Variants in APOOL observed in about 807,000 individuals in gnomAD.
APOOL encodes the protein apolipoprotein O like.
In APOOL, 12 loss-of-function variants were observed where a neutral mutation model predicts 23.1. The observed-to-expected ratio is 0.52, with a 90% CI of 0.33 to 0.84. The LOEUF (loss-of-function observed/expected upper bound fraction) is 0.84, where lower values mean the gene tolerates loss of function less well. Among genes scored for constraint, APOOL ranks in the 40% least tolerant of loss-of-function variants. The pLI is 0.02. For missense variants in APOOL, 212 were observed against 199.6 expected (o/e 1.06, Z -0.37); for synonymous variants, 77 against 69.9 (o/e 1.10, Z -0.51).
intron 8 of APOOL, chrX:85,081,515 C>G (rs1924099156): frequency 8.7e-6 from 1 of 115,573 alleles, no homozygotes; most frequent in African/African-American, 3.3e-5. Flanking sequence ...TCTGGCTGCC[C>G]TTAACATTTT....
chrX:85,049,703 C>T (rs1473372857), intron 2 of APOOL, among the ~76,000 whole-genome samples: 1 of 110,783 alleles, frequency 9.0e-6, no homozygotes, highest in Non-Finnish European at 1.9e-5. Context: ...GAGAGGATTG[C>T]TTGAGCCCGG....
rs189103195 is a variant in APOOL at position 85,025,446 on chromosome X, C to T, written c.16-21000C>T. ...TACAATCGTACTTTCCCAACAGTCC[C>T]CAAAAGTCTTAACTCCTTCCAGTGT... is the stretch of plus-strand genomic sequence containing the variant. On this transcript the variant is annotated intron_variant, in intron 1 of 8. Coordinates refer to ENST00000373173, the MANE Select transcript of APOOL (RefSeq NM_198450.6). Among the ~76,000 whole-genome samples, 256 of 111,858 alleles carry T rather than the reference C, an allele frequency of 2.3e-3. 1 individual carries two copies. Among genetic ancestry groups the T allele is most frequent in the African/African-American group, 8.2e-3 (253 of 30,803 alleles).
intron 1 of APOOL, among the ~76,000 whole-genome samples, chrX:85,010,392 G>A (rs2147470830): frequency 8.9e-6 from 1 of 111,848 alleles, no homozygotes; most frequent in Admixed American, 9.5e-5. Context: ...GGAACAGGTG[G>A]TTTTAGGTTA....
At chrX:85,077,963 A>C (rs1411153008) in intron 8 of APOOL, among the ~76,000 whole-genome samples, 1 of 111,379 alleles carries the variant, frequency 9.0e-6, no homozygotes, top group African/African-American at 3.3e-5. Flanking sequence ...AAATTTGTTT[A>C]AGTTCTTTGT....
chrX:85,046,487 A>G lies in APOOL; in HGVS notation c.57A>G (p.Ala19=). The G allele has an allele frequency of 8.3e-7, 1 of 1,210,180 alleles. No homozygotes were observed. Among genetic ancestry groups the G allele is most frequent in the Non-Finnish European group, 1.1e-6 (1 of 894,616 alleles). ...LTTMPAGLIY[A]SVSVHAAKQE... ...CCATGCCTGCAGGTCTGATATATGC[A>G]TCTGTAAGTGTACATGCAGCCAAAC... Residue 19 remains alanine (A), a synonymous_variant, in exon 2 of 9, where the codon GCA becomes GCG. Transcript: ENST00000373173.
At chrX:85,021,302 A>T (rs781452729) in intron 1 of APOOL, among the ~76,000 whole-genome samples, 66 of 110,792 alleles carry the variant, frequency 6.0e-4, no homozygotes, top group African/African-American at 2.1e-3. Flanking sequence ...ACAAGCACCT[A>T]TATAGTCAGC....
intron 1 of APOOL, among the ~76,000 whole-genome samples, chrX:85,018,022 G>T (rs1355617210): frequency 8.9e-6 from 1 of 112,238 alleles, no homozygotes; most frequent in African/African-American, 3.2e-5. Context: ...CCAAGTGGGA[G>T]ATGCTTGTTA....
chrX:85,078,645 G>T (rs756628580), intron 8 of APOOL, among the ~76,000 whole-genome samples: 2 of 111,293 alleles, frequency 1.8e-5, no homozygotes, highest in African/African-American at 6.5e-5. Context: ...TTGGTAGCTT[G>T]ATGGGGATGG....
At chrX:85,038,946 T>TTTGG (rs1922317211) in intron 1 of APOOL, among the ~76,000 whole-genome samples, 2 of 110,921 alleles carry the variant, frequency 1.8e-5, no homozygotes, top group African/African-American at 6.5e-5. Context: ...CTGCTACCTT[T>TTTGG]TTGGTTGGTT....
rs1316182592 is a variant in APOOL, at chrX:85,038,124, TAAG to T, written c.16-8320_16-8318del. Among the ~76,000 whole-genome samples, 5 of 111,585 alleles carry T rather than the reference TAAG, an allele frequency of 4.5e-5. No homozygotes were observed. In the Admixed American group the frequency reaches 4.7e-4, roughly 11 times the overall value. On this transcript the variant is annotated intron_variant, in intron 1 of 8. Coordinates refer to ENST00000373173, the MANE Select transcript of APOOL (RefSeq NM_198450.6). ...TACTGAAATCCTTTTTTGCGTCTAT[TAAG>T]AGGATCATAGGGTCTTGTTTTTAGT...
At chrX:85,019,507 C>G (rs1921587282) in intron 1 of APOOL, among the ~76,000 whole-genome samples, 1 of 112,058 alleles carries the variant, frequency 8.9e-6, no homozygotes, top group Admixed American at 9.4e-5. Flanking sequence ...AATAATCCAG[C>G]TTAAGTCATT....
intron 1 of APOOL, among the ~76,000 whole-genome samples, chrX:85,005,912 T>G (rs1921065486): frequency 1.8e-5 from 2 of 111,969 alleles, no homozygotes. Flanking sequence ...ACCAGAATAG[T>G]GTGTTTTCAT....
intron 1 of APOOL, among the ~76,000 whole-genome samples, chrX:85,008,311 AC>A (rs1422531376): frequency 9.1e-6 from 1 of 110,443 alleles, no homozygotes; most frequent in Non-Finnish European, 1.9e-5. Context: ...CCTTTGGCCA[AC>A]CTCCCAACCT....
In APOOL at chrX:85,093,248, T is replaced by G. The variant is rs1466450830; in HGVS notation, c.*5570T>G. 8.7e-7 allele frequency: 1 copy of G among 1,149,039 alleles called. No homozygotes were observed. The highest frequency in any genetic ancestry group is 3.3e-5 in the East Asian group (1 of 30,589). The allele number at this position is 1,149,039 out of a possible 1,213,427, so 94.7% of individuals were successfully genotyped here. A position where few individuals can be genotyped will look rare whatever the true frequency, so the allele number is the denominator to read the frequency against. ...GGCCTTTTAAATAGACAATGCAAAG[T>G]GAAAACTGCAAATTTCACTTAACTT... is the stretch of plus-strand genomic sequence containing the variant. On this transcript the variant is annotated 3_prime_UTR_variant, in exon 9 of 9. Transcript: ENST00000373173.
chrX:85,006,721 A>T (rs1397038471), intron 1 of APOOL, among the ~76,000 whole-genome samples: 7 of 111,792 alleles, frequency 6.3e-5, no homozygotes, highest in Non-Finnish European at 1.3e-4. Flanking sequence ...TAAGCACTTT[A>T]TGTGGATTCT....
intron 2 of APOOL, among the ~76,000 whole-genome samples, chrX:85,049,541 T>A (rs1042515036): frequency 9.0e-6 from 1 of 111,201 alleles, no homozygotes; most frequent in African/African-American, 3.3e-5. Context: ...CCCAGCACTT[T>A]AGGATGCCAA....
At chrX:85,078,826 C>T (rs980689934) in intron 8 of APOOL, among the ~76,000 whole-genome samples, 1 of 110,688 alleles carries the variant, frequency 9.0e-6, no homozygotes, top group Admixed American at 9.7e-5. Flanking sequence ...AGTTGAATTC[C>T]TAGGTATTTT....
rs755966509 is a variant in APOOL, at chrX:85,062,431, A to C, written c.395-4696A>C. Among the ~76,000 whole-genome samples, 4 of 111,521 alleles carry C rather than the reference A, an allele frequency of 3.6e-5. No individual in the cohort carries two copies. In the South Asian group the frequency reaches 1.1e-3, roughly 31 times the overall value. ...TGATTGGTTTTGGTGATTTCATGAT[A>C]AAATCTTTGCCCATGCCTATGTCTG... On this transcript the variant is annotated intron_variant, in intron 5 of 8. Coordinates refer to ENST00000373173, the MANE Select transcript of APOOL (RefSeq NM_198450.6).
At chrX:85,049,232 A>G (rs1289287210) in intron 2 of APOOL, among the ~76,000 whole-genome samples, 1 of 111,635 alleles carries the variant, frequency 9.0e-6, no homozygotes, top group African/African-American at 3.3e-5. Flanking sequence ...CAAGGTCTCT[A>G]AAATTTGTAG....
Sources: allele counts gnomAD v4.1 joint callset (sites outside exome capture counted in the v4.1 genomes callset), GRCh38; gene constraint gnomAD v4.1.1; transcripts MANE v1.5; gene names NCBI Gene and HGNC (gene_info 2026-07-23, HGNC 2026-07-21).